The following GALNT13 variants were observed in gnomAD, a reference collection of about 807,000 sequenced individuals.
GALNT13 encodes the protein polypeptide N-acetylgalactosaminyltransferase 13.
In GALNT13, 28 loss-of-function variants were observed where a neutral mutation model predicts 64.2. The observed-to-expected ratio is 0.44, with a 90% CI of 0.32 to 0.60. The LOEUF is 0.60. Among genes scored for constraint, GALNT13 ranks in the 20% least tolerant of loss-of-function variants. The probability of loss-of-function intolerance (pLI) is 0.05; values close to 1 mark genes in which losing one functional copy is unlikely to be tolerated. For missense variants in GALNT13, 577 were observed against 669.8 expected (o/e 0.86, Z 1.53); for synonymous variants, 214 against 224.6 (o/e 0.95, Z 0.42).
At chr2:153,254,384 A>G in the GALNT13 span, among the ~76,000 whole-genome samples, 1 of 151,996 alleles carries the variant, frequency 6.6e-6, no homozygotes, top group South Asian at 2.1e-4. Flanking sequence ...TCTGGCTAAC[A>G]GTCTGTCAAT....
the GALNT13 span, chr2:153,447,029 TA>T: frequency 6.6e-6 from 1 of 152,216 alleles, no homozygotes; most frequent in Non-Finnish European, 1.5e-5. Flanking sequence ...TTGAAAGGTT[TA>T]AAAGCTACTG....
chr2:154,105,150 T>C lies in GALNT13; in HGVS notation c.143-35187T>C, dbSNP rs190209121. Among the ~76,000 whole-genome samples, 325 of 152,190 alleles carry C rather than the reference T, an allele frequency of 2.1e-3. 1 individual carries two copies. Among genetic ancestry groups the C allele is most frequent in the African/African-American group, 7.5e-3 (311 of 41,540 alleles). On this transcript the variant is annotated intron_variant, in intron 3 of 12. Transcript: ENST00000392825. Reference sequence around the variant, plus strand: ...TCCTTTTCTGCACCACAGATGCTTCTTGTGGGTTTTCCAACTGGTTTTGGC... The same window carrying C: ...TCCTTTTCTGCACCACAGATGCTTCCTGTGGGTTTTCCAACTGGTTTTGGC...
chr2:154,352,596 A>G (rs896046583), intron 9 of GALNT13, among the ~76,000 whole-genome samples: 2 of 152,214 alleles, frequency 1.3e-5, no homozygotes, highest in African/African-American at 4.8e-5. Context: ...CAGAAGAAGC[A>G]GTTGTATACA....
At chr2:153,478,073 G>C in the GALNT13 span, 1 of 630,538 alleles carries the variant, frequency 1.6e-6, no homozygotes, top group South Asian at 2.0e-5. Flanking sequence ...AGGACTTTCA[G>C]AGGGCGAGGG....
intron 9 of GALNT13, among the ~76,000 whole-genome samples, chr2:154,306,784 C>T (rs1316153025): frequency 6.6e-6 from 1 of 152,030 alleles, no homozygotes; most frequent in Non-Finnish European, 1.5e-5. Flanking sequence ...AATGTAGGGT[C>T]TGCAAAATGT....
chr2:153,695,842 C>G, the GALNT13 span, among the ~76,000 whole-genome samples: 1 of 152,080 alleles, frequency 6.6e-6, no homozygotes, highest in Non-Finnish European at 1.5e-5. Flanking sequence ...GGCAGAAACA[C>G]ATTGCTCTAG....
At chr2:153,243,110 A>T in the GALNT13 span, among the ~76,000 whole-genome samples, 1 of 152,174 alleles carries the variant, frequency 6.6e-6, no homozygotes, top group African/African-American at 2.4e-5. Flanking sequence ...GCTCTTGGTC[A>T]CCTGGGTGAT....
the GALNT13 span, among the ~76,000 whole-genome samples, chr2:153,092,216 C>T: frequency 6.6e-6 from 1 of 152,090 alleles, no homozygotes; most frequent in Admixed American, 6.6e-5. Flanking sequence ...TGTTGTTATG[C>T]TACTACCATG....
chr2:154,242,489 G>A (rs1378552911), intron 5 of GALNT13, among the ~76,000 whole-genome samples: 1 of 151,838 alleles, frequency 6.6e-6, no homozygotes, highest in Non-Finnish European at 1.5e-5. Context: ...CAACTCAATT[G>A]ATTATATTAT....
chr2:153,706,979 A>T, the GALNT13 span, among the ~76,000 whole-genome samples: 1 of 152,128 alleles, frequency 6.6e-6, no homozygotes, highest in South Asian at 2.1e-4. Context: ...ATCATGGTTC[A>T]TGATAGTGCT....
the GALNT13 span, among the ~76,000 whole-genome samples, chr2:153,206,220 G>A: frequency 6.6e-6 from 1 of 152,048 alleles, no homozygotes; most frequent in African/African-American, 2.4e-5. Flanking sequence ...AGACACTAGA[G>A]TTTACTTTGC....
intron 3 of GALNT13, among the ~76,000 whole-genome samples, chr2:154,126,610 G>C (rs1194660850): frequency 6.7e-6 from 1 of 150,036 alleles, no homozygotes; most frequent in Non-Finnish European, 1.5e-5. Context: ...ACTCCAGCCC[G>C]GACGACAGAG....
At chr2:153,888,207 G>A (rs1332469875) in intron 1 of GALNT13, among the ~76,000 whole-genome samples, 1 of 151,944 alleles carries the variant, frequency 6.6e-6, no homozygotes, top group Non-Finnish European at 1.5e-5. Flanking sequence ...ATTTAATGAT[G>A]CATCATACTG....
rs144510859 is a variant in GALNT13, at chr2:153,882,485, G to C, written c.-177+10182G>C. On this transcript the variant is annotated intron_variant, in intron 1 of 12. Coordinates refer to ENST00000392825, the MANE Select transcript of GALNT13 (RefSeq NM_052917.4). ...CAAGGGCAACTAAGGATGGGTCTTA[G>C]AAAAACAATGCCTCTTTTATTTTGG... 5.4e-3 allele frequency among the ~76,000 whole-genome samples: 825 copies of C among 152,208 alleles called. 1 individual carries two copies. The highest frequency in any genetic ancestry group is 9.6e-3 in the Admixed American group (146 of 15,284).
At chr2:153,361,147 C>T in the GALNT13 span, among the ~76,000 whole-genome samples, 1 of 152,042 alleles carries the variant, frequency 6.6e-6, no homozygotes, top group Non-Finnish European at 1.5e-5. Context: ...AGGGACCTGA[C>T]CATTGAAAGA....
the GALNT13 span, among the ~76,000 whole-genome samples, chr2:153,214,119 G>C: frequency 6.6e-6 from 1 of 152,064 alleles, no homozygotes; most frequent in African/African-American, 2.4e-5. Flanking sequence ...GGTATAAAAG[G>C]TTTTAAAATA....
chr2:154,314,180 C>T (rs552345230), intron 9 of GALNT13, among the ~76,000 whole-genome samples: 12 of 152,244 alleles, frequency 7.9e-5, no homozygotes, highest in African/African-American at 2.6e-4. Context: ...ACCTACTCTT[C>T]AGAGTACCTC....
the GALNT13 span, among the ~76,000 whole-genome samples, chr2:153,465,723 C>T: frequency 1.3e-4 from 20 of 151,834 alleles, no homozygotes; most frequent in Non-Finnish European, 1.9e-4. Context: ...GTTAAATAAT[C>T]GCAAAGCCAT....
chr2:153,808,319 T>C, the GALNT13 span, among the ~76,000 whole-genome samples: 4 of 152,142 alleles, frequency 2.6e-5, no homozygotes, highest in Admixed American at 1.3e-4. Flanking sequence ...CTGTTTCATC[T>C]ACCACATCCC....
Sources: gnomAD v4.1 joint callset for allele counts (sites outside exome capture counted in the v4.1 genomes callset) on GRCh38, gnomAD v4.1.1 for gene constraint, MANE v1.5 for transcripts, NCBI Gene and HGNC (gene_info 2026-07-23, HGNC 2026-07-21) for gene names.